The following PTPRM variants were observed in gnomAD, a reference collection of about 807,000 sequenced individuals.
The protein encoded by PTPRM is protein tyrosine phosphatase receptor type M, also known as receptor-type tyrosine-protein phosphatase mu.
A neutral mutation model predicts 186.7 loss-of-function variants in PTPRM; 47 were observed. The observed-to-expected ratio is 0.25, with a 90% CI of 0.20 to 0.32. The LOEUF (loss-of-function observed/expected upper bound fraction) is 0.32, where lower values mean the gene tolerates loss of function less well. Ranked by LOEUF, PTPRM falls within the 10% of genes least tolerant of loss-of-function variation. The pLI is 1.00. For synonymous variants in PTPRM, 668 were observed against 674.9 expected, an observed-to-expected ratio of 0.99 and a Z score of 0.16; for missense variants, 1,494 against 1,865.0, an observed-to-expected ratio of 0.80 and a Z score of 3.66.
chr18:7,841,624 G>A (rs1405961855), intron 2 of PTPRM, among the ~76,000 whole-genome samples: 1 of 152,178 alleles, frequency 6.6e-6, no homozygotes, highest in Non-Finnish European at 1.5e-5. Flanking sequence ...AAAATGATTA[G>A]CACTTGATTA....
intron 4 of PTPRM, among the ~76,000 whole-genome samples, chr18:7,925,490 A>G (rs528349792): frequency 6.6e-6 from 1 of 152,296 alleles, no homozygotes; most frequent in South Asian, 2.1e-4. Flanking sequence ...GCCCAGGCTA[A>G]TATGAGCACT....
At chr18:7,811,573 C>G (rs2044519803) in intron 2 of PTPRM, among the ~76,000 whole-genome samples, 1 of 152,010 alleles carries the variant, frequency 6.6e-6, no homozygotes, top group Non-Finnish European at 1.5e-5. Context: ...GCTATGTTGC[C>G]TAAGCTGGTC....
At chr18:7,647,391 C>T (rs1234417762) in intron 1 of PTPRM, among the ~76,000 whole-genome samples, 1 of 152,112 alleles carries the variant, frequency 6.6e-6, no homozygotes, top group African/African-American at 2.4e-5. Flanking sequence ...TCCCTTAATT[C>T]TTACAAAGGT....
At chr18:7,683,200 C>G (rs998232583) in intron 1 of PTPRM, among the ~76,000 whole-genome samples, 2 of 139,208 alleles carry the variant, frequency 1.4e-5, no homozygotes, top group African/African-American at 5.6e-5. Context: ...GGGTCTTGCT[C>G]TGTCGCCTAG....
At position 7,677,009 on chromosome 18, in the gene PTPRM, G is replaced by A. The variant is rs369515733; in HGVS notation, c.74-97140G>A. Among the ~76,000 whole-genome samples the A allele has an allele frequency of 3.9e-5, 6 of 152,288 alleles. No homozygotes were observed. In the East Asian group the frequency reaches 1.2e-3, roughly 29 times the overall value. ...AAAATTATTTGGGAATTTAGTTCAGGATTTAAAGAGTGGCATTTCCTCTGA... is the reference window on the plus strand; with the variant it reads ...AAAATTATTTGGGAATTTAGTTCAGAATTTAAAGAGTGGCATTTCCTCTGA... On this transcript the variant is annotated intron_variant, in intron 1 of 32. Transcript: ENST00000580170.
intron 14 of PTPRM, among the ~76,000 whole-genome samples, chr18:8,240,477 GGGGA>G (rs1568582342): frequency 3.8e-5 from 2 of 52,420 alleles, no homozygotes; most frequent in Admixed American, 1.9e-4. Context: ...GAGGGAGGGA[GGGGA>G]GGAGAGAGAG....
chr18:7,684,787 A>C (rs573719061), intron 1 of PTPRM, among the ~76,000 whole-genome samples: 34 of 152,166 alleles, frequency 2.2e-4, no homozygotes, highest in South Asian at 4.1e-4. Context: ...GGTTGTTGTT[A>C]ATAGTCCTGA....
intron 7 of PTPRM, among the ~76,000 whole-genome samples, chr18:8,048,414 G>T (rs1468504162): frequency 6.6e-6 from 1 of 150,822 alleles, no homozygotes. Context: ...CTCCTGCCCT[G>T]CCATTCCAGT....
chr18:8,139,566 A>G (rs1200405585), intron 13 of PTPRM, among the ~76,000 whole-genome samples: 1 of 152,148 alleles, frequency 6.6e-6, no homozygotes, highest in East Asian at 1.9e-4. Context: ...CCTTCCAGCT[A>G]TCTAAGGAGG....
intron 23 of PTPRM, among the ~76,000 whole-genome samples, chr18:8,347,633 C>T (rs1398313234): frequency 6.6e-6 from 1 of 152,134 alleles, no homozygotes; most frequent in Non-Finnish European, 1.5e-5. Flanking sequence ...CCAGGGTAGT[C>T]ACTGGTGATT....
At chr18:8,319,141 TTA>T (rs1181066761) in intron 21 of PTPRM, 35 bp from the exon 22 acceptor site, 10 of 1,411,480 alleles carry the variant, frequency 7.1e-6, no homozygotes, top group Non-Finnish European at 8.9e-6. Context: ...TTTATCGATT[TTA>T]TGTTTATCAA....
At chr18:7,817,587 A>G (rs929038322) in intron 2 of PTPRM, among the ~76,000 whole-genome samples, 9 of 151,994 alleles carry the variant, frequency 5.9e-5, no homozygotes, top group African/African-American at 2.2e-4. Context: ...AAAGATTTTA[A>G]ATGATTCAAT....
chr18:8,177,555 T>C (rs1254299276), intron 14 of PTPRM, among the ~76,000 whole-genome samples: 1 of 152,246 alleles, frequency 6.6e-6, no homozygotes, highest in Non-Finnish European at 1.5e-5. Flanking sequence ...AGGCTTGTTA[T>C]ACTTGTTACA....
chr18:8,128,718 G>C (rs1192216060), intron 13 of PTPRM, among the ~76,000 whole-genome samples: 1 of 152,128 alleles, frequency 6.6e-6, no homozygotes, highest in Non-Finnish European at 1.5e-5. Flanking sequence ...GGAATACTGA[G>C]TCAAATGTCA....
intron 2 of PTPRM, among the ~76,000 whole-genome samples, chr18:7,871,931 A>G (rs2048002410): frequency 6.6e-6 from 1 of 152,238 alleles, no homozygotes; most frequent in South Asian, 2.1e-4. Flanking sequence ...TCTTTTTAGA[A>G]TAATTGTGTA....
At chr18:8,253,176 G>T (rs770903334) in intron 18 of PTPRM, 51 bp from the exon 19 acceptor site, 17 of 1,316,196 alleles carry the variant, frequency 1.3e-5, no homozygotes, top group South Asian at 2.1e-5. Flanking sequence ...CAGTGATGCC[G>T]ACCTAGCTCC....
At position 7,955,382 on chromosome 18, in the gene PTPRM, G is replaced by A; in HGVS notation, c.1100G>A (p.Gly367Asp). The change falls in exon 7 of 33, where the codon GGT becomes GAT. Residue 367 changes from glycine (G) to aspartate (D), a missense_variant. Physicochemically the swap from Gly to Asp is moderately conservative, Grantham distance 94. Around this residue, in one of 3 missense-constraint regions of PTPRM, gnomAD observed 91 missense variants for 169.3 expected, o/e 0.54. Coordinates refer to ENST00000580170, the MANE Select transcript of PTPRM (RefSeq NM_001105244.2). ...RPGEGGTGSP[G>D]PALRTRTKCA... ...GGGGAGGGTGGCACTGGCTCTCCTGGTCCAGCTCTCAGGACAAGAACAAAG... is the reference window on the plus strand; with the variant it reads ...GGGGAGGGTGGCACTGGCTCTCCTGATCCAGCTCTCAGGACAAGAACAAAG... 6.2e-7 allele frequency: 1 copy of A among 1,613,886 alleles called. No individual in the cohort carries two copies. The highest frequency in any genetic ancestry group is 8.5e-7 in the Non-Finnish European group (1 of 1,179,870).
At chr18:8,266,964 ACTT>A (rs1252475527) in intron 19 of PTPRM, among the ~76,000 whole-genome samples, 1 of 152,114 alleles carries the variant, frequency 6.6e-6, no homozygotes, top group African/African-American at 2.4e-5. Context: ...GATTTTAAAA[ACTT>A]CTTCACTCCC....
At chr18:7,641,834 A>G (rs555285776) in intron 1 of PTPRM, among the ~76,000 whole-genome samples, 3 of 152,234 alleles carry the variant, frequency 2.0e-5, no homozygotes, top group Admixed American at 6.5e-5. Flanking sequence ...AATTCATCTT[A>G]TCTGTGAAGT....
Sources: allele counts gnomAD v4.1 joint callset (sites outside exome capture counted in the v4.1 genomes callset), GRCh38; gene constraint gnomAD v4.1.1; regional missense constraint gnomAD v4.1.1; transcripts MANE v1.5; gene names NCBI Gene and HGNC (gene_info 2026-07-23, HGNC 2026-07-21).